The following TTC21B variants were observed in gnomAD, a reference collection of about 807,000 sequenced individuals.
The protein encoded by TTC21B is tetratricopeptide repeat domain 21B.
In TTC21B, 127 loss-of-function variants were observed where a neutral mutation model predicts 175.1. The ratio of observed to expected loss-of-function variants is 0.73; its 90% confidence interval spans 0.63 to 0.84. The LOEUF is 0.84. Ranked by LOEUF, TTC21B falls within the 40% of genes least tolerant of loss-of-function variation. TTC21B has a pLI of 0.00. For missense variants in TTC21B, 1,561 were observed against 1,558.3 expected (o/e 1.00, Z -0.03); for synonymous variants, 524 against 524.5 (o/e 1.00, Z 0.01).
chr2:165,949,487 G>A lies in TTC21B; in HGVS notation c.169C>T (p.Leu57Phe), dbSNP rs139392369. Residue 57 changes from leucine (L) to phenylalanine (F), a missense_variant, in exon 3 of 29, where the codon CTT becomes TTT. Physicochemically the swap from Leu to Phe is conservative, Grantham distance 22. Coordinates refer to ENST00000243344, the MANE Select transcript of TTC21B (RefSeq NM_024753.5). ...TTTTTAATAGCCTCAAATTCTCGAA[G>A]AGCTTCTTGAGTTTTACCTGAAAAT... ...TLMEGKTQEA[L>F]REFEAIKNKQ... is the part of the protein sequence containing the mutation. 8 of 1,613,626 alleles carry A rather than the reference G, an allele frequency of 5.0e-6. No individual in the cohort carries two copies. Among genetic ancestry groups the A allele is most frequent in the Non-Finnish European group, 6.8e-6 (8 of 1,179,822 alleles).
At chr2:165,936,208 G>A (rs1309027350) in intron 6 of TTC21B, among the ~76,000 whole-genome samples, 1 of 152,040 alleles carries the variant, frequency 6.6e-6, no homozygotes, top group East Asian at 1.9e-4. Flanking sequence ...CAATGCAGTG[G>A]AGAAAAGACA....
rs144531078 is a variant in TTC21B, at chr2:165,933,174, A to G, written c.711-117T>C. On this transcript the variant is annotated intron_variant, in intron 6 of 28. Transcript: ENST00000243344. ...TCCACTGTTCAAATAAGTAATTTTC[A>G]CTAGTAAAATGTCATCTGCTTTGTG... 2.4e-3 allele frequency: 1,814 copies of G among 752,036 alleles called. 26 individuals are homozygous for G. The African/African-American group carries it at 0.029, about 12-fold the overall frequency. 46.6% of individuals were successfully genotyped at this position (752,036 alleles called of 1,614,324 possible). A position where few individuals can be genotyped will look rare whatever the true frequency, so the allele number is the denominator to read the frequency against.
Position 165,921,455 on chromosome 2 carries a change from C to T in TTC21B, c.1517-2022G>A, listed in dbSNP as rs554672026. ...TCACCCTGTGCATCTCTCCCTGTTG[C>T]TGATTTGGGTTAGTATCCTGTTGCT... On this transcript the variant is annotated intron_variant, in intron 12 of 28. Transcript: ENST00000243344. 5.3e-5 allele frequency among the ~76,000 whole-genome samples: 8 copies of T among 152,318 alleles called. No individual in the cohort carries two copies. In the South Asian group the frequency reaches 1.7e-3, roughly 32 times the overall value.
At chr2:165,913,026 C>G (rs1686012581) in intron 16 of TTC21B, among the ~76,000 whole-genome samples, 2 of 150,826 alleles carry the variant, frequency 1.3e-5, no homozygotes, top group Admixed American at 6.7e-5. Context: ...CCTAACATAC[C>G]TCTGGTATCA....
At chr2:165,919,625 C>G (rs761605056) in intron 12 of TTC21B, among the ~76,000 whole-genome samples, 192 bp from the exon 13 acceptor site, 1 of 152,144 alleles carries the variant, frequency 6.6e-6, no homozygotes, top group African/African-American at 2.4e-5. Flanking sequence ...AATGAATACA[C>G]CTGCAAGTCA....
intron 5 of TTC21B, among the ~76,000 whole-genome samples, chr2:165,942,637 C>T (rs1452536419): frequency 6.6e-6 from 1 of 152,094 alleles, no homozygotes; most frequent in Non-Finnish European, 1.5e-5. Context: ...CTTAGGGTAC[C>T]TGAACTCATC....
chr2:165,952,262 A>G (rs781347547), intron 1 of TTC21B, among the ~76,000 whole-genome samples: 41 of 152,200 alleles, frequency 2.7e-4, no homozygotes, highest in Non-Finnish European at 5.3e-4. Flanking sequence ...GAAATATTTC[A>G]TAACATGAAA....
Position 165,944,046 on chromosome 2 carries a change from G to C in TTC21B, c.430-705C>G, listed in dbSNP as rs116396099. ...GACAAATTTATAAACCTTTAACTAA[G>C]ACTATATTTACCTCCCTGTATTTCA... On this transcript the variant is annotated intron_variant, in intron 4 of 28. Coordinates refer to ENST00000243344, the MANE Select transcript of TTC21B (RefSeq NM_024753.5). Among the ~76,000 whole-genome samples the C allele has an allele frequency of 4.4e-3, 672 of 152,036 alleles. 5 individuals are homozygous for C. The highest frequency in any genetic ancestry group is 0.024 in the Middle Eastern group (7 of 294).
intron 16 of TTC21B, 57 bp downstream of exon 16, chr2:165,913,517 T>G: frequency 8.9e-7 from 1 of 1,118,588 alleles, no homozygotes; most frequent in East Asian, 2.4e-5. Flanking sequence ...AATAGGAAGT[T>G]GTACTCATCA....
chr2:165,917,292 C>A lies in TTC21B; in HGVS notation c.1864G>T (p.Glu622Ter). ...TTTAAGCGGTGAACGTCTATCAATT[C>A]AAGAAAGATCGATAAACGATGGCTT... Reference protein sequence around the residue: ...DTSHRLSIFLELIDVHRLNGE... With the variant: ...DTSHRLSIFL The change falls in exon 14 of 29, where the codon GAA becomes TAA. Residue 622 changes from glutamate (E) to a stop codon, truncating the protein, a stop_gained. Coordinates refer to ENST00000243344, the MANE Select transcript of TTC21B (RefSeq NM_024753.5). LOFTEE classifies it high-confidence loss of function. The A allele has an allele frequency of 1.9e-6, 3 of 1,614,180 alleles. No individual in the cohort carries two copies. The highest frequency in any genetic ancestry group is 1.7e-6 in the Non-Finnish European group (2 of 1,180,020).
At chr2:165,877,070 C>G (rs1684687498) in intron 27 of TTC21B, among the ~76,000 whole-genome samples, 1 of 152,142 alleles carries the variant, frequency 6.6e-6, no homozygotes, top group Admixed American at 6.5e-5. Context: ...GGATGTTGTT[C>G]TCTTGTAACA....
At chr2:165,945,417 G>T in intron 4 of TTC21B, 107 bp downstream of exon 4, 2 of 1,028,834 alleles carry the variant, frequency 1.9e-6, no homozygotes, top group Non-Finnish European at 2.9e-6. Flanking sequence ...TTACAAACTG[G>T]CAATAGAGTG....
At chr2:165,946,676 T>C (rs1687577012) in intron 3 of TTC21B, among the ~76,000 whole-genome samples, 2 of 151,438 alleles carry the variant, frequency 1.3e-5, no homozygotes, top group South Asian at 4.2e-4. Flanking sequence ...CATCTAAAAA[T>C]AAAAAACAAA....
Position 165,912,755 on chromosome 2 carries a change from G to C in TTC21B, c.2212-131C>G. On this transcript the variant is annotated intron_variant, in intron 16 of 28. Transcript: ENST00000243344. ...AGACTTGGCATATATTAAAGCACAG[G>C]AACTTTAACAATTTCAAAAAGGTGA... is the stretch of plus-strand genomic sequence containing the variant. 7 of 752,328 alleles carry C rather than the reference G, an allele frequency of 9.3e-6. No individual in the cohort carries two copies. The South Asian group carries it at 1.1e-4, about 11-fold the overall frequency. The allele number at this position is 752,328 out of a possible 1,614,324, so 46.6% of individuals were successfully genotyped here.
rs1264683917 is a variant in TTC21B at position 165,953,696 on chromosome 2, G to A, written c.10C>T (p.Gln4Ter). The change falls in exon 1 of 29, where the codon CAG becomes TAG. Residue 4 changes from glutamine (Q) to a stop codon, truncating the protein, a stop_gained. Transcript: ENST00000243344. LOFTEE classifies it high-confidence loss of function. The stretch of plus-strand genomic sequence containing the variant: ...GCTCACCCGCTCACCTTCAATTCCT[G>A]CGAGTCCATGGCTGCCCCGAGGCCG... MDS[Q>*]ELKTLINYYC... 3.2e-6 allele frequency: 4 copies of A among 1,266,280 alleles called. No homozygotes were observed. The highest frequency in any genetic ancestry group is 4.9e-5 in the African/African-American group (2 of 40,728). The allele number at this position is 1,266,280 out of a possible 1,614,324, so 78.4% of individuals were successfully genotyped here.
At chr2:165,951,415 A>C (rs1044298670) in intron 1 of TTC21B, among the ~76,000 whole-genome samples, 1 of 152,212 alleles carries the variant, frequency 6.6e-6, no homozygotes. Context: ...TCTGAAAAAA[A>C]TAAGTTCCTC....
intron 22 of TTC21B, among the ~76,000 whole-genome samples, chr2:165,897,101 G>A (rs1036998538): frequency 1.3e-5 from 2 of 151,652 alleles, no homozygotes. Context: ...TGATACTGTG[G>A]AACCGCCACA....
intron 1 of TTC21B, chr2:165,949,950 A>G (rs1209981849): frequency 2.4e-6 from 1 of 415,722 alleles, no homozygotes; most frequent in Non-Finnish European, 4.2e-6. Context: ...CTAATAATTT[A>G]AATTATTTTT....
chr2:165,898,529 A>G, intron 22 of TTC21B, 157 bp downstream of exon 22: 1 of 694,878 alleles, frequency 1.4e-6, no homozygotes, highest in Non-Finnish European at 2.7e-6. Flanking sequence ...CAATTTCCTT[A>G]TAGCCATTTC....
Sources: allele counts gnomAD v4.1 joint callset (sites outside exome capture counted in the v4.1 genomes callset), GRCh38; gene constraint gnomAD v4.1.1; transcripts MANE v1.5; gene names NCBI Gene and HGNC (gene_info 2026-07-23, HGNC 2026-07-21).